The following PRTFDC1 variants were observed in gnomAD, a reference collection of about 807,000 sequenced individuals.
PRTFDC1 encodes phosphoribosyltransferase domain-containing protein 1.
Under a neutral mutation model 34.6 loss-of-function variants are expected in PRTFDC1, and 38 were observed. The observed-to-expected ratio is 1.10, with a 90% confidence interval of 0.85 to 1.44. PRTFDC1 has a LOEUF of 1.44. Among genes scored for constraint, PRTFDC1 ranks in the 40% most tolerant of loss-of-function variants. The pLI is 0.00. For missense variants in PRTFDC1, 270 were observed against 283.0 expected (o/e 0.95, Z 0.33); for synonymous variants, 93 against 98.1 (o/e 0.95, Z 0.31).
chr10:24,950,277 T>C (rs12779656), intron 1 of PRTFDC1, among the ~76,000 whole-genome samples: 1 of 152,156 alleles, frequency 6.6e-6, no homozygotes, highest in South Asian at 2.1e-4. Context: ...ATGCTTGGGA[T>C]CAGATGCGTT....
At chr10:24,873,877 G>GA (rs1222793975) in intron 3 of PRTFDC1, among the ~76,000 whole-genome samples, 2,196 of 115,328 alleles carry the variant, frequency 0.019, 48 homozygotes, top group African/African-American at 0.064. Context: ...CTGCTCAAAC[G>GA]AAAAAAAAAA....
At chr10:24,937,123 T>C in intron 3 of PRTFDC1, 61 bp downstream of exon 3, 1 of 1,387,278 alleles carries the variant, frequency 7.2e-7, no homozygotes, top group East Asian at 2.4e-5. Flanking sequence ...ACATTATTGA[T>C]TCTTTTATCC....
chr10:24,945,607 C>A (rs1178653495), intron 1 of PRTFDC1, among the ~76,000 whole-genome samples: 1 of 152,132 alleles, frequency 6.6e-6, no homozygotes, highest in Non-Finnish European at 1.5e-5. Context: ...GAGTGGACAA[C>A]CACGCTCAGC....
chr10:24,852,903 T>A (rs1457538567), intron 7 of PRTFDC1, among the ~76,000 whole-genome samples: 1 of 152,068 alleles, frequency 6.6e-6, no homozygotes, highest in Non-Finnish European at 1.5e-5. Context: ...CTGGAGGTAC[T>A]TATTTTCTAG....
chr10:24,949,751 T>TATTTATTTA lies in PRTFDC1; in HGVS notation c.48+2776_48+2777insTAAATAAAT, dbSNP rs58743711. On this transcript the variant is annotated intron_variant, in intron 1 of 8. Coordinates refer to ENST00000320152, the MANE Select transcript of PRTFDC1 (RefSeq NM_020200.7). ...TATTTATTTATTTATTTTTTTTTTT[T>TATTTATTTA]TTTTTAAGAAGGAGTTTCACTCTTG... is the stretch of plus-strand genomic sequence containing the variant. Among the ~76,000 whole-genome samples, 568 of 140,102 alleles carry TATTTATTTA rather than the reference T, an allele frequency of 4.1e-3. 7 individuals carry two copies. The highest frequency in any genetic ancestry group is 0.01 in the African/African-American group (404 of 38,682). 91.9% of individuals were successfully genotyped at this position (140,102 alleles called of 152,430 possible). A position where few individuals can be genotyped will look rare whatever the true frequency, so the allele number is the denominator to read the frequency against.
At chr10:24,911,349 G>T (rs572992913) in intron 3 of PRTFDC1, among the ~76,000 whole-genome samples, 1 of 152,324 alleles carries the variant, frequency 6.6e-6, no homozygotes, top group African/African-American at 2.4e-5. Context: ...ATCCTTTCAA[G>T]TGTGGCTCTT....
chr10:24,919,751 TC>T (rs1365108755), intron 3 of PRTFDC1, among the ~76,000 whole-genome samples: 3 of 151,762 alleles, frequency 2.0e-5, no homozygotes, highest in Non-Finnish European at 2.9e-5. Flanking sequence ...AGGGCTAATA[TC>T]CAGAATCTAC....
At chr10:24,905,089 T>C (rs2132558837) in intron 3 of PRTFDC1, among the ~76,000 whole-genome samples, 1 of 151,980 alleles carries the variant, frequency 6.6e-6, no homozygotes, top group Middle Eastern at 3.4e-3. Flanking sequence ...GGTGGATCAC[T>C]TGAGCGCAGG....
intron 3 of PRTFDC1, among the ~76,000 whole-genome samples, chr10:24,874,906 T>C (rs544502076): frequency 6.6e-6 from 1 of 152,340 alleles, no homozygotes; most frequent in South Asian, 2.1e-4. Context: ...GTTCTCATGA[T>C]GATGAGTGAG....
chr10:24,890,836 T>C (rs1848248137), intron 3 of PRTFDC1, among the ~76,000 whole-genome samples: 1 of 152,194 alleles, frequency 6.6e-6, no homozygotes, highest in African/African-American at 2.4e-5. Flanking sequence ...TTGGCACTTA[T>C]ATGGGCACTC....
intron 3 of PRTFDC1, among the ~76,000 whole-genome samples, chr10:24,935,782 T>A (rs113000510): frequency 0.012 from 1,895 of 152,302 alleles, 44 homozygotes; most frequent in African/African-American, 0.043. Flanking sequence ...CAGCTAATGG[T>A]GTTGTGAACG....
At chr10:24,887,343 C>T (rs578113147) in intron 3 of PRTFDC1, among the ~76,000 whole-genome samples, 41 of 152,230 alleles carry the variant, frequency 2.7e-4, no homozygotes, top group Non-Finnish European at 5.3e-4. Context: ...TCTCATAATC[C>T]CCACGTGTCA....
At chr10:24,935,985 CA>C (rs550731236) in intron 3 of PRTFDC1, among the ~76,000 whole-genome samples, 120 of 152,296 alleles carry the variant, frequency 7.9e-4, no homozygotes, top group African/African-American at 2.8e-3. Context: ...GCTGAAAACT[CA>C]GCTACACCAT....
intron 4 of PRTFDC1, 131 bp from the exon 5 acceptor site, chr10:24,858,540 A>C (rs1847621212): frequency 4.7e-6 from 4 of 852,798 alleles, no homozygotes; most frequent in Admixed American, 5.0e-5. Context: ...TCTAATTCAA[A>C]GGACTAGAGG....
At chr10:24,897,778 T>A (rs760946392) in intron 3 of PRTFDC1, among the ~76,000 whole-genome samples, 9 of 152,252 alleles carry the variant, frequency 5.9e-5, no homozygotes, top group Non-Finnish European at 1.2e-4. Flanking sequence ...CTTTCATGAA[T>A]GACTGTCAGA....
chr10:24,897,721 G>A (rs2132548174), intron 3 of PRTFDC1, among the ~76,000 whole-genome samples: 1 of 152,328 alleles, frequency 6.6e-6, no homozygotes, highest in East Asian at 1.9e-4. Context: ...AAGAAATATA[G>A]TGATAATATC....
chr10:24,872,081 A>T lies in PRTFDC1; in HGVS notation c.340-18T>A. The T allele has an allele frequency of 6.3e-7, 1 of 1,586,052 alleles. No individual in the cohort carries two copies. Among genetic ancestry groups the T allele is most frequent in the Non-Finnish European group, 8.6e-7 (1 of 1,157,094 alleles). On this transcript the variant is annotated intron_variant, in intron 3 of 8. Transcript: ENST00000320152. Reference sequence around the variant, plus strand: ...TGGTCATTCTGCAAAAAAGAAGAAAAAAAAGGGAGACAATTTTACCGCACA... The same window carrying T: ...TGGTCATTCTGCAAAAAAGAAGAAATAAAAGGGAGACAATTTTACCGCACA...
At chr10:24,894,975 A>G (rs112258897) in intron 3 of PRTFDC1, among the ~76,000 whole-genome samples, 1 of 152,168 alleles carries the variant, frequency 6.6e-6, no homozygotes, top group Non-Finnish European at 1.5e-5. Flanking sequence ...GAGACAGAGA[A>G]GCCGAGTGGT....
chr10:24,945,430 G>A (rs1448204978), intron 1 of PRTFDC1, among the ~76,000 whole-genome samples: 1 of 152,180 alleles, frequency 6.6e-6, no homozygotes, highest in Non-Finnish European at 1.5e-5. Flanking sequence ...TCCATTGGCT[G>A]ACTGATGGCC....
Sources: gnomAD v4.1 joint callset for allele counts (sites outside exome capture counted in the v4.1 genomes callset) on GRCh38, gnomAD v4.1.1 for gene constraint, MANE v1.5 for transcripts, NCBI Gene and HGNC (gene_info 2026-07-23, HGNC 2026-07-21) for gene names.